PRDM16: variants seen among roughly 807,000 people sequenced by gnomAD.
PRDM16 encodes the protein histone-lysine N-methyltransferase PRDM16.
In PRDM16, 23 loss-of-function variants were observed where a neutral mutation model predicts 110.6. The observed-to-expected ratio is 0.21, with a 90% confidence interval of 0.15 to 0.29. The LOEUF is 0.29. PRDM16 is among the 10% of genes least tolerant of loss of function. PRDM16 has a pLI of 1.00. For synonymous variants in PRDM16, 799 were observed against 781.8 expected (o/e 1.02, Z -0.37); for missense variants, 1,615 against 1,794.3 (o/e 0.90, Z 1.81).
At chr1:3,188,223 G>T (rs1343815289) in intron 2 of PRDM16, among the ~76,000 whole-genome samples, 2 of 152,224 alleles carry the variant, frequency 1.3e-5, no homozygotes, top group African/African-American at 2.4e-5. Flanking sequence ...GAATTCAAGG[G>T]TGTTTGTCCG....
intron 12 of PRDM16, among the ~76,000 whole-genome samples, chr1:3,419,491 G>A (rs1051284108): frequency 1.3e-5 from 2 of 152,206 alleles, no homozygotes; most frequent in African/African-American, 4.8e-5. Context: ...ACCGGGGTCA[G>A]TGCCTGGGAG....
intron 1 of PRDM16, among the ~76,000 whole-genome samples, chr1:3,077,656 T>G (rs1407269625): frequency 3.9e-5 from 6 of 152,206 alleles, no homozygotes; most frequent in African/African-American, 1.2e-4. Context: ...GTTTTGTTTT[T>G]ATCTCCTTGG....
intron 3 of PRDM16, among the ~76,000 whole-genome samples, chr1:3,341,987 C>T (rs1049470992): frequency 6.6e-6 from 1 of 152,196 alleles, no homozygotes; most frequent in African/African-American, 2.4e-5. Flanking sequence ...TTGAAAAGCA[C>T]CTGTCCTTTT....
At chr1:3,292,454 A>G (rs771114327) in intron 3 of PRDM16, among the ~76,000 whole-genome samples, 5 of 152,306 alleles carry the variant, frequency 3.3e-5, no homozygotes, top group Non-Finnish European at 7.3e-5. Flanking sequence ...ACCACACTTG[A>G]GCCGTCGCTC....
At chr1:3,070,031 G>C (rs1475566329) in intron 1 of PRDM16, among the ~76,000 whole-genome samples, 1 of 151,824 alleles carries the variant, frequency 6.6e-6, no homozygotes, top group African/African-American at 2.4e-5. Context: ...CTGGGACGCC[G>C]GCAGCCTGCG....
In PRDM16 at chr1:3,279,751, G is replaced by A. The variant is rs545373088; in HGVS notation, c.438+35614G>A. ...AAGGCAGGACAAAGGGGCCTCCACC[G>A]CCTCCTGCCCCTTTCCCCATTGCCT... On this transcript the variant is annotated intron_variant, in intron 3 of 16. Transcript: ENST00000270722. Among the ~76,000 whole-genome samples, 69 of 152,208 alleles carry A rather than the reference G, an allele frequency of 4.5e-4. No homozygotes were observed. The East Asian group carries it at 0.012, about 26-fold the overall frequency.
intron 1 of PRDM16, among the ~76,000 whole-genome samples, chr1:3,134,616 A>G (rs1643400019): frequency 6.6e-6 from 1 of 152,258 alleles, no homozygotes; most frequent in African/African-American, 2.4e-5. Flanking sequence ...AAGAACCGTG[A>G]AAAGCTCCGG....
chr1:3,196,214 T>A (rs1342552486), intron 2 of PRDM16, among the ~76,000 whole-genome samples: 1 of 152,178 alleles, frequency 6.6e-6, no homozygotes, highest in East Asian at 1.9e-4. Flanking sequence ...TAACAGCATG[T>A]AGGTGGGGCA....
At position 3,209,119 on chromosome 1, in the gene PRDM16, G is replaced by C. The variant is rs200317813; in HGVS notation, c.387+22645G>C. ...TGCCAACCTAAACCTGGGGCAGGGT[G>C]GACAGCAGGTGGCTTTGAATATCCT... On this transcript the variant is annotated intron_variant, in intron 2 of 16. Coordinates refer to ENST00000270722, the MANE Select transcript of PRDM16 (RefSeq NM_022114.4). This position sits in a 1 kb window ranked among gnomAD's most constrained non-coding sequence, Gnocchi z 4.6. 3.9e-5 allele frequency among the ~76,000 whole-genome samples: 6 copies of C among 152,274 alleles called. No homozygotes were observed. In the East Asian group the frequency reaches 1.2e-3, roughly 29 times the overall value.
chr1:3,186,824 G>A (rs1325011763), intron 2 of PRDM16, among the ~76,000 whole-genome samples: 1 of 152,226 alleles, frequency 6.6e-6, no homozygotes, highest in Non-Finnish European at 1.5e-5. Context: ...TCCCAGAACA[G>A]GCAGCTGCAC....
At chr1:3,110,596 C>T (rs998721885) in intron 1 of PRDM16, among the ~76,000 whole-genome samples, 6 of 152,224 alleles carry the variant, frequency 3.9e-5, no homozygotes, top group Admixed American at 6.5e-5. Flanking sequence ...TCCTGGGGAA[C>T]GTATTTTAGT....
At chr1:3,104,178 T>C (rs919898998) in intron 1 of PRDM16, among the ~76,000 whole-genome samples, 1 of 152,214 alleles carries the variant, frequency 6.6e-6, no homozygotes, top group African/African-American at 2.4e-5. Context: ...GGAGCCTGCA[T>C]GCTTGCTCCC....
chr1:3,405,687 G>A (rs976239157), intron 8 of PRDM16, 39 bp downstream of exon 8: 17 of 1,518,058 alleles, frequency 1.1e-5, no homozygotes, highest in African/African-American at 7.1e-5. Context: ...CCCTCCGGGT[G>A]CGCGGATGCC....
rs886867189 is a variant in PRDM16, at chr1:3,190,552, G to A, written c.387+4078G>A. Among the ~76,000 whole-genome samples the A allele has an allele frequency of 1.3e-5, 2 of 152,112 alleles. No homozygotes were observed. Among genetic ancestry groups the A allele is most frequent in the African/African-American group, 4.8e-5 (2 of 41,428 alleles). ...TCAGATGCCCCACCCCCGACCTGGG[G>A]GCTCACTCTGTGCATGGCTGTGTGT... On this transcript the variant is annotated intron_variant, in intron 2 of 16. Transcript: ENST00000270722. This position sits in a 1 kb window ranked among gnomAD's most constrained non-coding sequence, Gnocchi z 5.0.
intron 1 of PRDM16, among the ~76,000 whole-genome samples, chr1:3,136,927 C>T (rs896656796): frequency 9.2e-5 from 14 of 152,320 alleles, no homozygotes; most frequent in African/African-American, 1.2e-4. Flanking sequence ...AAACAGTGGA[C>T]GCTTCTCCTG....
At chr1:3,321,909 C>T (rs1050007940) in intron 3 of PRDM16, among the ~76,000 whole-genome samples, 26 of 150,732 alleles carry the variant, frequency 1.7e-4, no homozygotes, top group Middle Eastern at 3.5e-3. Flanking sequence ...TGTAGGAGCA[C>T]GTGTGTAAAG....
intron 1 of PRDM16, chr1:3,133,311 C>G (rs540229739): frequency 6.6e-6 from 1 of 152,454 alleles, no homozygotes; most frequent in South Asian, 2.1e-4. Context: ...GCCAGACTCT[C>G]CCAGGGCGAG....
intron 3 of PRDM16, among the ~76,000 whole-genome samples, chr1:3,323,197 C>T (rs1038845854): frequency 1.3e-4 from 20 of 152,196 alleles, no homozygotes; most frequent in African/African-American, 4.8e-4. Flanking sequence ...TGGCAGGATC[C>T]ACCCCACCCG....
chr1:3,372,853 G>T (rs1642928844), intron 3 of PRDM16, among the ~76,000 whole-genome samples: 1 of 152,222 alleles, frequency 6.6e-6, no homozygotes, highest in Non-Finnish European at 1.5e-5. Context: ...CACGGACGGG[G>T]TTCTGGGCCC....
Sources: allele counts gnomAD v4.1 joint callset (sites outside exome capture counted in the v4.1 genomes callset), GRCh38; gene constraint gnomAD v4.1.1; non-coding constraint Gnocchi (gnomAD v3.1); transcripts MANE v1.5; gene names NCBI Gene and HGNC (gene_info 2026-07-23, HGNC 2026-07-21).